Variants in TMCO5A observed in about 807,000 individuals in gnomAD.
TMCO5A encodes transmembrane and coiled-coil domains 5A, also known as transmembrane and coiled-coil domain-containing protein 5A.
Under a neutral mutation model 42.3 loss-of-function variants are expected in TMCO5A, and 34 were observed. The observed-to-expected ratio is 0.80, with a 90% CI of 0.61 to 1.07. The LOEUF is 1.07. Among genes scored for constraint, TMCO5A ranks in the 50% least tolerant of loss-of-function variants. The pLI, the probability that TMCO5A is intolerant of heterozygous loss-of-function variation, is 0.00. For missense variants in TMCO5A, 357 were observed against 327.9 expected (o/e 1.09, Z -0.69); for synonymous variants, 131 against 115.6 (o/e 1.13, Z -0.86).
intron 9 of TMCO5A, 50 bp downstream of exon 9, chr15:37,942,305 G>A (rs1434151256): frequency 1.3e-6 from 2 of 1,572,960 alleles, no homozygotes; most frequent in South Asian, 1.1e-5. Context: ...CTCCATCTCA[G>A]CCTGAGTCAG....
the TMCO5A span, among the ~76,000 whole-genome samples, chr15:37,989,465 T>C: frequency 6.6e-6 from 1 of 152,066 alleles, no homozygotes; most frequent in Non-Finnish European, 1.5e-5. Context: ...GCACTGTTTT[T>C]GCTGCATACA....
intron 11 of TMCO5A, among the ~76,000 whole-genome samples, chr15:37,961,172 A>G (rs1329324987): frequency 6.6e-6 from 1 of 152,126 alleles, no homozygotes; most frequent in African/African-American, 2.4e-5. Context: ...TTATAGTTTC[A>G]GGTCTTAGAT....
At chr15:37,962,942 T>C (rs925608231) in intron 11 of TMCO5A, among the ~76,000 whole-genome samples, 3 of 152,176 alleles carry the variant, frequency 2.0e-5, no homozygotes, top group Admixed American at 2.0e-4. Flanking sequence ...GTTTTCTTTA[T>C]TTATATTGCT....
chr15:37,937,447 T>C (rs767210346), intron 5 of TMCO5A, 51 bp downstream of exon 5: 1 of 1,595,448 alleles, frequency 6.3e-7, no homozygotes, highest in Non-Finnish European at 8.6e-7. Flanking sequence ...GCCCCATTCA[T>C]CAAAGGGGCA....
Position 37,940,353 on chromosome 15 carries a change from T to C in TMCO5A, c.388-796T>C, listed in dbSNP as rs144729860. The stretch of plus-strand genomic sequence containing the variant: ...GCTCTGGCCACACAACTCCCTCATA[T>C]AAGCCAAATCTGTGATAACCTCATG... On this transcript the variant is annotated intron_variant, in intron 6 of 11. Coordinates refer to ENST00000319669, the MANE Select transcript of TMCO5A (RefSeq NM_152453.4). 1.7e-3 allele frequency among the ~76,000 whole-genome samples: 259 copies of C among 152,270 alleles called. 5 individuals carry two copies. Among genetic ancestry groups the C allele is most frequent in the African/African-American group, 5.8e-3 (243 of 41,588 alleles).
At chr15:37,946,639 C>G (rs57058908) in intron 10 of TMCO5A, among the ~76,000 whole-genome samples, 1 of 151,966 alleles carries the variant, frequency 6.6e-6, no homozygotes, top group Non-Finnish European at 1.5e-5. Context: ...AATGGGAGTT[C>G]ATTCATGATT....
intron 11 of TMCO5A, among the ~76,000 whole-genome samples, chr15:37,961,998 A>T (rs1159337868): frequency 6.6e-6 from 1 of 151,990 alleles, no homozygotes; most frequent in Non-Finnish European, 1.5e-5. Context: ...TGACAGTTTG[A>T]CTTCCTCTTT....
Position 37,947,709 on chromosome 15 carries a change from T to A in TMCO5A, c.668+13T>A, listed in dbSNP as rs200595347. On this transcript the variant is annotated intron_variant, in intron 11 of 11. Coordinates refer to ENST00000319669, the MANE Select transcript of TMCO5A (RefSeq NM_152453.4). The stretch of plus-strand genomic sequence containing the variant: ...TATTCAGTAAAAAGTAAGTAAAATA[T>A]CTTCAGGTAAACTTCCTATAAAATT... The A allele has an allele frequency of 1.9e-6, 3 of 1,572,510 alleles. No homozygotes were observed. The highest frequency in any genetic ancestry group is 2.6e-6 in the Non-Finnish European group (3 of 1,147,146).
chr15:37,965,199 T>G (rs969232230), intron 11 of TMCO5A, among the ~76,000 whole-genome samples: 1 of 152,102 alleles, frequency 6.6e-6, no homozygotes, highest in African/African-American at 2.4e-5. Flanking sequence ...CTGAGAAAAC[T>G]GGATATCCAT....
chr15:37,971,378 C>T (rs1377325155), downstream of TMCO5A, among the ~76,000 whole-genome samples: 1 of 152,170 alleles, frequency 6.6e-6, no homozygotes, highest in Non-Finnish European at 1.5e-5. Context: ...AGCAAAGAGA[C>T]CCTGGGCCCA....
At chr15:37,977,735 G>A in the TMCO5A span, among the ~76,000 whole-genome samples, 1 of 152,190 alleles carries the variant, frequency 6.6e-6, no homozygotes, top group Non-Finnish European at 1.5e-5. Flanking sequence ...TGCCTGGCTT[G>A]GGGACAGCAG....
At chr15:38,020,393 T>C in the TMCO5A span, 1 of 152,094 alleles carries the variant, frequency 6.6e-6, no homozygotes, top group African/African-American at 2.4e-5. Context: ...AGAAAATATA[T>C]GGAAGTATGG....
At chr15:38,037,142 G>A in the TMCO5A span, among the ~76,000 whole-genome samples, 130,054 of 152,196 alleles carry the variant, frequency 0.85, 55,871 homozygotes, top group Middle Eastern at 0.91. Flanking sequence ...TTAATGTGGT[G>A]TTTAACACAT....
the TMCO5A span, among the ~76,000 whole-genome samples, chr15:38,013,262 C>G: frequency 6.6e-6 from 1 of 152,108 alleles, no homozygotes; most frequent in South Asian, 2.1e-4. Context: ...TTAAACTTGC[C>G]AGGGGTCATC....
the TMCO5A span, among the ~76,000 whole-genome samples, chr15:38,009,059 T>C: frequency 6.6e-6 from 1 of 152,214 alleles, no homozygotes; most frequent in Non-Finnish European, 1.5e-5. Flanking sequence ...CTGTGTGATC[T>C]GAATTTTTAG....
the TMCO5A span, among the ~76,000 whole-genome samples, chr15:38,009,562 A>G: frequency 2.0e-5 from 3 of 152,238 alleles, no homozygotes; most frequent in East Asian, 1.9e-4. Flanking sequence ...AGATACCAAA[A>G]GTCACACCAT....
the TMCO5A span, among the ~76,000 whole-genome samples, chr15:38,012,524 G>A: frequency 2.3e-4 from 32 of 136,578 alleles, no homozygotes; most frequent in African/African-American, 9.4e-4. Flanking sequence ...AGGAGTAGTC[G>A]TGTGTGTGTG....
the TMCO5A span, among the ~76,000 whole-genome samples, chr15:37,997,431 T>G: frequency 6.6e-6 from 1 of 151,510 alleles, no homozygotes; most frequent in Non-Finnish European, 1.5e-5. Flanking sequence ...GTTCAATTGT[T>G]TTAATTTTTA....
exon 12 of TMCO5A, chr15:37,967,648 C>G (rs554064093): frequency 6.6e-6 from 1 of 152,144 alleles, no homozygotes; most frequent in African/African-American, 2.4e-5. Context: ...TTGTCACATA[C>G]AGGCACTATT....
Sources: gnomAD v4.1 joint callset for allele counts (sites outside exome capture counted in the v4.1 genomes callset) on GRCh38, gnomAD v4.1.1 for gene constraint, MANE v1.5 for transcripts, NCBI Gene and HGNC (gene_info 2026-07-23, HGNC 2026-07-21) for gene names.